The following NEK11 variants were observed in gnomAD, a reference collection of about 807,000 sequenced individuals.
The protein encoded by NEK11 is serine/threonine-protein kinase Nek11.
Under a neutral mutation model 80.7 loss-of-function variants are expected in NEK11, and 72 were observed. The ratio of observed to expected loss-of-function variants is 0.89; its 90% CI spans 0.74 to 1.08. NEK11 has a LOEUF of 1.08. Among genes scored for constraint, NEK11 ranks in the 50% least tolerant of loss-of-function variants. NEK11 has a pLI of 0.00. For missense variants in NEK11, 764 were observed against 763.6 expected (o/e 1.00, Z -0.01); for synonymous variants, 251 against 260.7 (o/e 0.96, Z 0.36).
chr3:131,209,690 A>G (rs1235051437), intron 14 of NEK11, among the ~76,000 whole-genome samples: 2 of 152,174 alleles, frequency 1.3e-5, no homozygotes, highest in Admixed American at 6.5e-5. Flanking sequence ...CAGGGATTCA[A>G]CTTCTTCCTG....
chr3:131,188,865 T>C (rs1190828896), intron 14 of NEK11, among the ~76,000 whole-genome samples: 1 of 152,120 alleles, frequency 6.6e-6, no homozygotes, highest in African/African-American at 2.4e-5. Context: ...CCCCAAAAGA[T>C]ATGTCTGCTT....
At chr3:131,179,434 C>T (rs1441042433) in intron 14 of NEK11, among the ~76,000 whole-genome samples, 4 of 152,130 alleles carry the variant, frequency 2.6e-5, no homozygotes, top group South Asian at 2.1e-4. Flanking sequence ...TTGCACAACT[C>T]ATAGTCATGA....
At chr3:131,322,610 G>C (rs2096908766) in intron 17 of NEK11, among the ~76,000 whole-genome samples, 1 of 152,162 alleles carries the variant, frequency 6.6e-6, no homozygotes, top group Non-Finnish European at 1.5e-5. Context: ...TGAAGAACTT[G>C]GGGTCTCATT....
At chr3:131,267,138 A>G (rs1000051169) in intron 16 of NEK11, among the ~76,000 whole-genome samples, 3 of 152,174 alleles carry the variant, frequency 2.0e-5, no homozygotes, top group Non-Finnish European at 4.4e-5. Context: ...TTGACTCTCT[A>G]TCCAATTTGC....
intron 11 of NEK11, among the ~76,000 whole-genome samples, chr3:131,163,015 A>G (rs910915171): frequency 1.3e-5 from 2 of 152,224 alleles, no homozygotes; most frequent in Non-Finnish European, 2.9e-5. Flanking sequence ...AGAAAAGTCT[A>G]TGCTCAGGGC....
At chr3:131,256,953 T>C (rs2095826611) in intron 16 of NEK11, among the ~76,000 whole-genome samples, 1 of 152,096 alleles carries the variant, frequency 6.6e-6, no homozygotes, top group African/African-American at 2.4e-5. Context: ...CAAACCTGCC[T>C]GGATGGACTT....
At chr3:131,149,404 T>C (rs1426897942) in intron 7 of NEK11, among the ~76,000 whole-genome samples, 1 of 152,130 alleles carries the variant, frequency 6.6e-6, no homozygotes, top group Non-Finnish European at 1.5e-5. Flanking sequence ...ATGTCTTTGC[T>C]ATTGTGAATA....
chr3:131,283,824 A>G (rs1327751433), intron 17 of NEK11, among the ~76,000 whole-genome samples: 1 of 152,200 alleles, frequency 6.6e-6, no homozygotes, highest in Non-Finnish European at 1.5e-5. Flanking sequence ...TTTGTACGTA[A>G]CAAAAGCTTG....
chr3:131,094,738 T>C (rs1349324701), intron 4 of NEK11, among the ~76,000 whole-genome samples: 1 of 152,158 alleles, frequency 6.6e-6, no homozygotes, highest in Admixed American at 6.6e-5. Context: ...GTGATGTCCA[T>C]CTGTAAGTAT....
At chr3:131,178,687 TAGA>T (rs2093178034) in intron 14 of NEK11, among the ~76,000 whole-genome samples, 1 of 152,108 alleles carries the variant, frequency 6.6e-6, no homozygotes, top group Admixed American at 6.5e-5. Flanking sequence ...TTTAAATAAG[TAGA>T]AGGAGTATAC....
chr3:131,173,834 T>C (rs2092838392), intron 14 of NEK11, among the ~76,000 whole-genome samples: 1 of 152,156 alleles, frequency 6.6e-6, no homozygotes, highest in African/African-American at 2.4e-5. Context: ...TTCAGTATGG[T>C]AGACAGTGTG....
intron 4 of NEK11, among the ~76,000 whole-genome samples, chr3:131,087,730 T>C (rs752159862): frequency 6.6e-6 from 1 of 152,322 alleles, no homozygotes; most frequent in East Asian, 1.9e-4. Flanking sequence ...CAATAGACTA[T>C]TAGAAGTAAA....
chr3:131,284,529 T>C (rs2096446638), intron 17 of NEK11, among the ~76,000 whole-genome samples: 1 of 152,198 alleles, frequency 6.6e-6, no homozygotes, highest in South Asian at 2.1e-4. Flanking sequence ...GTCAACTTTA[T>C]TGGATTGAAG....
intron 2 of NEK11, 133 bp from the exon 3 acceptor site, chr3:131,029,480 A>G: frequency 2.8e-6 from 1 of 362,774 alleles, no homozygotes; most frequent in Non-Finnish European, 4.9e-6. Flanking sequence ...ACCTTTTAAC[A>G]TTTTTTTTCA....
At chr3:131,335,647 G>A (rs1479342677) in intron 17 of NEK11, among the ~76,000 whole-genome samples, 1 of 152,086 alleles carries the variant, frequency 6.6e-6, no homozygotes, top group Admixed American at 6.5e-5. Context: ...GAAATAAAGG[G>A]TATTCAATTA....
intron 17 of NEK11, among the ~76,000 whole-genome samples, chr3:131,298,924 C>A (rs1229138598): frequency 7.5e-6 from 1 of 133,040 alleles, no homozygotes; most frequent in Non-Finnish European, 1.6e-5. Context: ...ATATTCTCTT[C>A]TGTTTTTTTT....
At chr3:131,267,446 G>A (rs1297962133) in intron 16 of NEK11, among the ~76,000 whole-genome samples, 1 of 152,216 alleles carries the variant, frequency 6.6e-6, no homozygotes, top group Non-Finnish European at 1.5e-5. Flanking sequence ...CCTCGCTTAT[G>A]AAGCTTAGTT....
intron 4 of NEK11, among the ~76,000 whole-genome samples, chr3:131,098,815 A>T (rs141490737): frequency 6.8e-6 from 1 of 146,412 alleles, no homozygotes; most frequent in Non-Finnish European, 1.5e-5. Flanking sequence ...ACCTTTGCCT[A>T]CTTTTAAATG....
intron 17 of NEK11, among the ~76,000 whole-genome samples, chr3:131,337,951 C>T (rs1039822598): frequency 6.6e-6 from 1 of 151,124 alleles, no homozygotes; most frequent in Non-Finnish European, 1.5e-5. Flanking sequence ...AATTTTTTTT[C>T]TTTTTTTTTG....
Sources: gnomAD v4.1 joint callset for allele counts (sites outside exome capture counted in the v4.1 genomes callset) on GRCh38, gnomAD v4.1.1 for gene constraint, MANE v1.5 for transcripts, NCBI Gene and HGNC (gene_info 2026-07-23, HGNC 2026-07-21) for gene names.